CCDC33: variants seen among roughly 807,000 people sequenced by gnomAD.
CCDC33 encodes coiled-coil domain-containing protein 33.
In CCDC33, 94 loss-of-function variants were observed where a neutral mutation model predicts 91.9. The observed-to-expected ratio is 1.02, with a 90% CI of 0.87 to 1.21. CCDC33 has a LOEUF of 1.21. Ranked by LOEUF, CCDC33 falls within the 50% of genes most tolerant of loss-of-function variation. CCDC33 has a pLI of 0.00. For missense variants in CCDC33, 940 were observed against 935.5 expected (o/e 1.00, Z -0.06); for synonymous variants, 396 against 374.5 (o/e 1.06, Z -0.66).
intron 3 of CCDC33, among the ~76,000 whole-genome samples, chr15:74,263,327 C>T (rs970604748): frequency 6.6e-6 from 1 of 152,158 alleles, no homozygotes; most frequent in Non-Finnish European, 1.5e-5. Flanking sequence ...AGGTGCCTGG[C>T]GATGTCTCTG....
At chr15:74,206,138 C>G (rs1251639145) in intron 1 of CCDC33, among the ~76,000 whole-genome samples, 1 of 152,214 alleles carries the variant, frequency 6.6e-6, no homozygotes, top group East Asian at 1.9e-4. Flanking sequence ...CCCTGCACAC[C>G]AGTAACCAGT....
rs755367429 is a variant in CCDC33 at position 74,332,775 on chromosome 15, A to G, written c.1868A>G (p.Lys623Arg). 4 of 1,614,220 alleles carry G rather than the reference A, an allele frequency of 2.5e-6. No homozygotes were observed. The highest frequency in any genetic ancestry group is 2.5e-6 in the Non-Finnish European group (3 of 1,180,040). Reference sequence around the variant, plus strand: ...TCGGTGCTGCTGGCAGAAAACGCGAAGCTGCGGACGGAGCTGGATAAGAAC... The same window carrying G: ...TCGGTGCTGCTGGCAGAAAACGCGAGGCTGCGGACGGAGCTGGATAAGAAC... Reference protein sequence around the residue: ...LYSVLLAENAKLRTELDKNRH... With the variant: ...LYSVLLAENARLRTELDKNRH... Residue 623 changes from lysine (K) to arginine (R), a missense_variant, in exon 16 of 19, where the codon AAG (lysine) becomes AGG (arginine). By Grantham distance (26) the Lys-to-Arg change is conservative (BLOSUM62 2). Coordinates refer to ENST00000398814, the MANE Select transcript of CCDC33 (RefSeq NM_025055.5).
At chr15:74,247,946 G>C (rs1329946028) in intron 2 of CCDC33, among the ~76,000 whole-genome samples, 1 of 152,054 alleles carries the variant, frequency 6.6e-6, no homozygotes, top group Non-Finnish European at 1.5e-5. Flanking sequence ...GCGTGGTGGT[G>C]GGCACATGTA....
intron 2 of CCDC33, among the ~76,000 whole-genome samples, chr15:74,227,259 G>A (rs1428119764): frequency 6.6e-6 from 1 of 152,210 alleles, no homozygotes; most frequent in Admixed American, 6.5e-5. Flanking sequence ...GTCTTTCTGA[G>A]CCAGTAGTCA....
intron 2 of CCDC33, among the ~76,000 whole-genome samples, chr15:74,220,680 A>G (rs2074564547): frequency 1.3e-5 from 2 of 152,162 alleles, no homozygotes; most frequent in African/African-American, 4.8e-5. Flanking sequence ...TCATCTCCCC[A>G]CCATGCTCCC....
At chr15:74,206,317 G>A (rs575053896) in intron 1 of CCDC33, among the ~76,000 whole-genome samples, 1 of 152,348 alleles carries the variant, frequency 6.6e-6, no homozygotes, top group Admixed American at 6.5e-5. Flanking sequence ...CAAGCTGCAA[G>A]GTGAGCCCAC....
chr15:74,226,119 C>G (rs1484192067), intron 2 of CCDC33, among the ~76,000 whole-genome samples: 1 of 152,186 alleles, frequency 6.6e-6, no homozygotes, highest in African/African-American at 2.4e-5. Flanking sequence ...GTATGTCCAG[C>G]CTTCAGGGAG....
At chr15:74,238,013 A>G (rs919005953) in intron 1 of CCDC33, among the ~76,000 whole-genome samples, 15 of 152,014 alleles carry the variant, frequency 9.9e-5, no homozygotes, top group Non-Finnish European at 4.4e-5. Context: ...CTGTAATCCC[A>G]GTTACTCAGG....
chr15:74,265,794 C>T (rs756713838), intron 3 of CCDC33, among the ~76,000 whole-genome samples: 2 of 152,192 alleles, frequency 1.3e-5, no homozygotes, highest in African/African-American at 4.8e-5. Flanking sequence ...GAGTCTGAGG[C>T]GGGTGGATCA....
intron 7 of CCDC33, among the ~76,000 whole-genome samples, chr15:74,277,515 C>T (rs1045670498): frequency 2.6e-5 from 4 of 152,224 alleles, no homozygotes; most frequent in Non-Finnish European, 4.4e-5. Flanking sequence ...GGGTTAATGA[C>T]ATTCCATAAT....
upstream of CCDC33, among the ~76,000 whole-genome samples, chr15:74,235,995 G>A (rs1011912576): frequency 2.6e-5 from 4 of 152,162 alleles, no homozygotes; most frequent in African/African-American, 9.7e-5. Flanking sequence ...TACCCAAAGA[G>A]GCACGATGGC....
intron 1 of CCDC33, chr15:74,208,156 G>C: frequency 1.3e-6 from 1 of 786,962 alleles, no homozygotes; most frequent in Non-Finnish European, 1.7e-6. Context: ...TTCCCTCCCA[G>C]AGGGCTAGGC....
intron 2 of CCDC33, among the ~76,000 whole-genome samples, chr15:74,253,091 T>C (rs1002138636): frequency 6.6e-6 from 1 of 152,196 alleles, no homozygotes; most frequent in African/African-American, 2.4e-5. Context: ...CACAGGCTTC[T>C]TCTGGAATCC....
Position 74,330,750 on chromosome 15 carries a change from G to C in CCDC33, c.1544G>C (p.Arg515Pro), listed in dbSNP as rs200342030. ...RVQHLQNELI[R>P]KNDREKELLL... Reference sequence around the variant, plus strand: ...CAGCATTTGCAGAATGAGCTGATTCGAGTGAGCTGGGGCTTGTGGGGGCAG... The same window carrying C: ...CAGCATTTGCAGAATGAGCTGATTCCAGTGAGCTGGGGCTTGTGGGGGCAG... Residue 515 changes from arginine to proline, a missense_variant and splice_region_variant, in exon 13 of 19, where the codon CGA becomes CCA. Physicochemically the swap from Arg to Pro is moderately radical, Grantham distance 103 (BLOSUM62 -2). Coordinates refer to ENST00000398814, the MANE Select transcript of CCDC33 (RefSeq NM_025055.5). 3 of 1,612,818 alleles carry C rather than the reference G, an allele frequency of 1.9e-6. No individual in the cohort carries two copies. The highest frequency in any genetic ancestry group is 2.2e-5 in the South Asian group (2 of 91,056).
rs201258365 is a variant in CCDC33 at position 74,331,081 on chromosome 15, C to T, written c.1646C>T (p.Ala549Val). Reference sequence around the variant, plus strand: ...CAGGGCAAGCTGCAGAAGATGAAGGCGCTGGAGGAGACTGTGCGGCACCAA... The same window carrying T: ...CAGGGCAAGCTGCAGAAGATGAAGGTGCTGGAGGAGACTGTGCGGCACCAA... Reference protein sequence around the residue: ...QYQGKLQKMKALEETVRHQEK... With the variant: ...QYQGKLQKMKVLEETVRHQEK... Residue 549 changes from alanine (A) to valine (V), a missense_variant, in exon 14 of 19, where the codon GCG (alanine) becomes GTG (valine). Ala to Val is a moderately conservative substitution (Grantham distance 64). Coordinates refer to ENST00000398814, the MANE Select transcript of CCDC33 (RefSeq NM_025055.5). 1,350 of 1,613,482 alleles carry T rather than the reference C, an allele frequency of 8.4e-4. 13 individuals carry two copies. Among genetic ancestry groups the T allele is most frequent in the Middle Eastern group, 1.3e-3 (8 of 6,060 alleles).
At chr15:74,256,667 T>C (rs1185162698) in intron 2 of CCDC33, among the ~76,000 whole-genome samples, 1 of 152,140 alleles carries the variant, frequency 6.6e-6, no homozygotes, top group Admixed American at 6.5e-5. Flanking sequence ...GGCTGACAGA[T>C]GGTGCAGACA....
chr15:74,219,664 G>T (rs2074537937), intron 2 of CCDC33, among the ~76,000 whole-genome samples: 1 of 152,172 alleles, frequency 6.6e-6, no homozygotes, highest in South Asian at 2.1e-4. Context: ...ACGGCTTCTT[G>T]GAAGAGGGTT....
intron 10 of CCDC33, among the ~76,000 whole-genome samples, chr15:74,288,143 C>T (rs543961631): frequency 6.7e-6 from 1 of 148,924 alleles, no homozygotes; most frequent in African/African-American, 2.4e-5. Flanking sequence ...TCATTACCAC[C>T]CAGGATGCCC....
chr15:74,273,440 G>T (rs1344488116), intron 7 of CCDC33, among the ~76,000 whole-genome samples: 3 of 152,222 alleles, frequency 2.0e-5, no homozygotes, highest in Non-Finnish European at 2.9e-5. Context: ...CTACAATGGT[G>T]AATGTTGTGT....
Sources: gnomAD v4.1 joint callset for allele counts (sites outside exome capture counted in the v4.1 genomes callset) on GRCh38, gnomAD v4.1.1 for gene constraint, MANE v1.5 for transcripts, NCBI Gene and HGNC (gene_info 2026-07-23, HGNC 2026-07-21) for gene names.